The following MAPK8 variants were observed in gnomAD, a reference collection of about 807,000 sequenced individuals.
The protein encoded by MAPK8 is JUN N-terminal kinase.
MAPK8 carries 13 observed loss-of-function variants against 52.9 expected under a neutral mutation model. The observed-to-expected ratio is 0.25, with a 90% CI of 0.16 to 0.39. MAPK8 has a LOEUF of 0.39. Ranked by LOEUF, MAPK8 falls within the 10% of genes least tolerant of loss-of-function variation. The pLI is 1.00. For missense variants in MAPK8, 300 were observed against 519.2 expected (o/e 0.58, Z 4.10); for synonymous variants, 191 against 169.8 (o/e 1.12, Z -0.97).
chr10:48,362,279 C>T (rs147542919), intron 1 of MAPK8, among the ~76,000 whole-genome samples: 13 of 152,200 alleles, frequency 8.5e-5, no homozygotes, highest in African/African-American at 2.4e-4. Flanking sequence ...AAGAAAGATA[C>T]GGAAGTGAAA....
rs2044860378 is a variant in MAPK8 at position 48,436,477 on chromosome 10, T to C, written c.*1448T>C. The C allele has an allele frequency of 6.6e-6, 1 of 152,188 alleles. No homozygotes were observed. Among genetic ancestry groups the C allele is most frequent in the Admixed American group, 6.5e-5 (1 of 15,286 alleles). 9.4% of individuals were successfully genotyped at this position (152,188 alleles called of 1,614,324 possible). A position where few individuals can be genotyped will look rare whatever the true frequency, so the allele number is the denominator to read the frequency against. ...TAATAGACCCAGGCACCTTTTAAAT[T>C]ATCTCTGGAACAAGAGGGATTTCAT... is the stretch of plus-strand genomic sequence containing the variant. On this transcript the variant is annotated 3_prime_UTR_variant, in exon 12 of 12. Coordinates refer to ENST00000374189, the MANE Select transcript of MAPK8 (RefSeq NM_001323329.2).
At chr10:48,431,027 A>G (rs2044191826) in intron 10 of MAPK8, 166 bp from the exon 11 acceptor site, 4 of 639,392 alleles carry the variant, frequency 6.3e-6, no homozygotes, top group African/African-American at 1.9e-5. Context: ...AGGAATTGTT[A>G]TTAATTAACA....
intron 1 of MAPK8, among the ~76,000 whole-genome samples, chr10:48,347,536 A>G (rs895139524): frequency 5.3e-5 from 8 of 152,078 alleles, no homozygotes; most frequent in African/African-American, 1.7e-4. Context: ...TCCTAATGCT[A>G]TCTCTGCCCT....
At chr10:48,434,683 G>A (rs997788213) in intron 11 of MAPK8, among the ~76,000 whole-genome samples, 3 of 152,146 alleles carry the variant, frequency 2.0e-5, no homozygotes, top group Admixed American at 6.5e-5. Flanking sequence ...CACGATTCTA[G>A]ACATTTTCAG....
intron 1 of MAPK8, among the ~76,000 whole-genome samples, chr10:48,379,551 C>T (rs2040864204): frequency 6.6e-6 from 1 of 152,136 alleles, no homozygotes; most frequent in African/African-American, 2.4e-5. Flanking sequence ...GTAAATGTTT[C>T]ACTTTTCCCC....
intron 1 of MAPK8, among the ~76,000 whole-genome samples, chr10:48,373,583 A>AG (rs2040461321): frequency 6.9e-6 from 1 of 145,070 alleles, no homozygotes; most frequent in Admixed American, 6.9e-5. Context: ...AAAAAAAAAA[A>AG]AAAAAAAAAA....
At chr10:48,377,499 T>A (rs1325406127) in intron 1 of MAPK8, among the ~76,000 whole-genome samples, 1 of 152,160 alleles carries the variant, frequency 6.6e-6, no homozygotes, top group Non-Finnish European at 1.5e-5. Flanking sequence ...AAGATGTGAC[T>A]GTGGTGTGTG....
At chr10:48,361,014 A>G (rs1286618634) in intron 1 of MAPK8, among the ~76,000 whole-genome samples, 1 of 152,182 alleles carries the variant, frequency 6.6e-6, no homozygotes, top group South Asian at 2.1e-4. Flanking sequence ...TTTCTATGCC[A>G]GTTATCTGTA....
chr10:48,322,342 T>G (rs1334292375), intron 1 of MAPK8, among the ~76,000 whole-genome samples: 1 of 152,066 alleles, frequency 6.6e-6, no homozygotes, highest in Non-Finnish European at 1.5e-5. Flanking sequence ...TTGAATATAT[T>G]AAGCATGTCT....
Position 48,339,089 on chromosome 10 carries a change from TA to T in MAPK8, c.-50+32270del, listed in dbSNP as rs367794971. On this transcript the variant is annotated intron_variant, in intron 1 of 11. Transcript: ENST00000374189. ...TTCACAGAATTAGAAAAGACAATTCTAATATTCATGTGGAAATACAATAGAG... is the reference window on the plus strand; with the variant it reads ...TTCACAGAATTAGAAAAGACAATTCTATATTCATGTGGAAATACAATAGAG... 2.4e-3 allele frequency among the ~76,000 whole-genome samples: 365 copies of T among 152,280 alleles called. 1 individual carries two copies. Among genetic ancestry groups the T allele is most frequent in the African/African-American group, 8.3e-3 (345 of 41,580 alleles).
intron 1 of MAPK8, among the ~76,000 whole-genome samples, chr10:48,309,652 C>T (rs1841777742): frequency 6.6e-6 from 1 of 152,210 alleles, no homozygotes; most frequent in Non-Finnish European, 1.5e-5. Flanking sequence ...TGTTAAATGA[C>T]TAGTCCCCAA....
chr10:48,393,576 T>A (rs1161759937), intron 1 of MAPK8, among the ~76,000 whole-genome samples: 1 of 151,996 alleles, frequency 6.6e-6, no homozygotes, highest in Non-Finnish European at 1.5e-5. Context: ...TAGAAAACCC[T>A]CCTAGGGTTG....
chr10:48,316,889 A>T (rs1379080963), intron 1 of MAPK8, among the ~76,000 whole-genome samples: 1 of 152,216 alleles, frequency 6.6e-6, no homozygotes, highest in Non-Finnish European at 1.5e-5. Flanking sequence ...AGCTAGAAAC[A>T]AAAAGTTAGA....
intron 1 of MAPK8, among the ~76,000 whole-genome samples, chr10:48,325,335 C>T (rs2132194880): frequency 6.6e-6 from 1 of 152,324 alleles, no homozygotes; most frequent in African/African-American, 2.4e-5. Flanking sequence ...TTCTTCCTAA[C>T]AAGATGAGAT....
In MAPK8 at chr10:48,341,417, C is replaced by T. The variant is rs143865010; in HGVS notation, c.-50+34596C>T. On this transcript the variant is annotated intron_variant, in intron 1 of 11. Coordinates refer to ENST00000374189, the MANE Select transcript of MAPK8 (RefSeq NM_001323329.2). ...AAACTTTTTGAATGCCAGCATGACG[C>T]TCAAAGGAAATGCTTATTCAAGCAT... 2.4e-3 allele frequency among the ~76,000 whole-genome samples: 364 copies of T among 152,286 alleles called. 3 individuals are homozygous for T. The highest frequency in any genetic ancestry group is 8.4e-3 in the African/African-American group (351 of 41,540).
chr10:48,408,404 G>T (rs989903918), intron 3 of MAPK8, among the ~76,000 whole-genome samples: 2 of 152,124 alleles, frequency 1.3e-5, no homozygotes, highest in Non-Finnish European at 2.9e-5. Flanking sequence ...AGGTTCACCT[G>T]GAAGATAATT....
chr10:48,435,012 C>T lies in MAPK8; in HGVS notation c.1267C>T (p.Leu423=), dbSNP rs1325673457. Residue 423 remains leucine, a synonymous_variant, in exon 12 of 12, where the codon CTG becomes TTG. Coordinates refer to ENST00000374189, the MANE Select transcript of MAPK8 (RefSeq NM_001323329.2). The part of the protein sequence containing the change: ...DSSLEAAAGP[L]GCCR ...CAGTCTAGAAGCAGCAGCTGGGCCT[C>T]TGGGCTGCTGTAGATGACTACTTGG... 1.6e-6 allele frequency: 2 copies of T among 1,287,938 alleles called. No individual in the cohort carries two copies. Among genetic ancestry groups the T allele is most frequent in the Non-Finnish European group, 1.0e-6 (1 of 967,826 alleles). 79.8% of individuals were successfully genotyped at this position (1,287,938 alleles called of 1,614,324 possible).
rs1162764526 is a variant in MAPK8, at chr10:48,439,028, G to GTT, written c.*4000_*4001insTT. The GTT allele has an allele frequency of 6.6e-6, 1 of 152,128 alleles. No homozygotes were observed. The highest frequency in any genetic ancestry group is 1.9e-4 in the East Asian group (1 of 5,198). The allele number at this position is 152,128 out of a possible 1,614,324, so 9.4% of individuals were successfully genotyped here. On this transcript the variant is annotated 3_prime_UTR_variant, in exon 12 of 12. Coordinates refer to ENST00000374189, the MANE Select transcript of MAPK8 (RefSeq NM_001323329.2). Reference sequence around the variant, plus strand: ...ACTGAATTACGTGTCTCCCTGGACTGTGACATCTATTTTCTCATTACAGTT... The same window carrying GTT: ...ACTGAATTACGTGTCTCCCTGGACTGTTTGACATCTATTTTCTCATTACAGTT...
At chr10:48,341,561 A>G (rs563457311) in intron 1 of MAPK8, among the ~76,000 whole-genome samples, 1 of 152,228 alleles carries the variant, frequency 6.6e-6, no homozygotes, top group Non-Finnish European at 1.5e-5. Context: ...CTCAAGCTAT[A>G]GTAGATTTCA....
Sources: allele counts gnomAD v4.1 joint callset (sites outside exome capture counted in the v4.1 genomes callset), GRCh38; gene constraint gnomAD v4.1.1; transcripts MANE v1.5; gene names NCBI Gene and HGNC (gene_info 2026-07-23, HGNC 2026-07-21).